BRAT1: variants seen among roughly 807,000 people sequenced by gnomAD.
BRAT1 encodes the protein integrator complex assembly factor BRAT1.
A neutral mutation model predicts 70.6 loss-of-function variants in BRAT1; 74 were observed. The ratio of observed to expected loss-of-function variants is 1.05; its 90% CI spans 0.87 to 1.27. BRAT1 has a LOEUF of 1.27. BRAT1 is among the 50% of genes most tolerant of loss of function. The probability of loss-of-function intolerance (pLI) is 0.00; values close to 1 mark genes in which losing one functional copy is unlikely to be tolerated. For synonymous variants in BRAT1, 615 were observed against 517.1 expected (o/e 1.19, Z -2.57); for missense variants, 1,203 against 1,098.2 (o/e 1.10, Z -1.35).
At position 2,547,397 on chromosome 7, in the gene BRAT1, G is replaced by A; in HGVS notation, c.209C>T (p.Ser70Phe). ...GCGCAGTGAGAAGGAGAGGACCCCA[G>A]AACTCAGGTCCTGGACTTTCAGCAC... Reference protein sequence around the residue: ...SHVLKVQDLSSGVLSFSLRLA... With the variant: ...SHVLKVQDLSFGVLSFSLRLA... The change falls in exon 3 of 14, where the codon TCT (serine) becomes TTT (phenylalanine). Residue 70 changes from serine to phenylalanine, a missense_variant. Physicochemically the swap from Ser to Phe is radical, Grantham distance 155. Transcript: ENST00000340611. The A allele has an allele frequency of 6.2e-7, 1 of 1,614,132 alleles. No individual in the cohort carries two copies. The highest frequency in any genetic ancestry group is 1.1e-5 in the South Asian group (1 of 91,080).
intron 3 of BRAT1, 117 bp downstream of exon 3, chr7:2,547,207 T>G: frequency 7.5e-7 from 1 of 1,335,364 alleles, no homozygotes; most frequent in Non-Finnish European, 1.0e-6. Flanking sequence ...GGACACAGGG[T>G]CGGGGCAGGC....
intron 13 of BRAT1, 126 bp downstream of exon 13, chr7:2,539,053 T>C (rs1778927200): frequency 6.8e-7 from 1 of 1,461,696 alleles, no homozygotes; most frequent in South Asian, 1.4e-5. Context: ...CAGTCACTGC[T>C]GCAGGCGCTG....
In BRAT1 at chr7:2,543,525, C is replaced by T; in HGVS notation, c.803+65G>A. On this transcript the variant is annotated intron_variant, in intron 5 of 13. Coordinates refer to ENST00000340611, the MANE Select transcript of BRAT1 (RefSeq NM_152743.4). This position sits in a 1 kb window ranked among gnomAD's most constrained non-coding sequence, Gnocchi z 5.5. The stretch of plus-strand genomic sequence containing the variant: ...GTCTCCGGCTGCCAGTGGGACATCC[C>T]TGGGCGTTATCCGAGGAAAACAGTT... The T allele has an allele frequency of 6.7e-7, 1 of 1,495,576 alleles. No individual in the cohort carries two copies. The allele number at this position is 1,495,576 out of a possible 1,614,324, so 92.6% of individuals were successfully genotyped here.
At chr7:2,549,523 TA>T in intron 2 of BRAT1, among the ~76,000 whole-genome samples, 1 of 148,918 alleles carries the variant, frequency 6.7e-6, no homozygotes, top group Middle Eastern at 3.4e-3. Flanking sequence ...AGGAAAGATT[TA>T]AAAGAAAAAA....
At chr7:2,554,591 C>T in intron 1 of BRAT1, 144 bp from the exon 2 acceptor site, 1 of 1,070,908 alleles carries the variant, frequency 9.3e-7, no homozygotes, top group Non-Finnish European at 1.3e-6. Flanking sequence ...GATCCCCAGA[C>T]CAGAGGTCTG....
chr7:2,542,417 T>C (rs907568117), intron 6 of BRAT1: 93 of 595,212 alleles, frequency 1.6e-4, no homozygotes, highest in Non-Finnish European at 1.6e-4. Flanking sequence ...GGCCTGACAC[T>C]CCTGATGTCC....
At chr7:2,542,783 G>T in intron 6 of BRAT1, 1 of 170,414 alleles carries the variant, frequency 5.9e-6, no homozygotes, top group Non-Finnish European at 1.3e-5. Context: ...GGCCATCCAC[G>T]GCCTTCCCAC....
intron 7 of BRAT1, 121 bp downstream of exon 7, chr7:2,541,999 G>A: frequency 8.3e-7 from 1 of 1,205,760 alleles, no homozygotes; most frequent in South Asian, 1.5e-5. Context: ...TGCTCTTGGA[G>A]GGAGGCCTGG....
intron 6 of BRAT1, 115 bp from the exon 7 acceptor site, chr7:2,542,326 G>T: frequency 2.3e-6 from 2 of 858,296 alleles, no homozygotes; most frequent in African/African-American, 1.7e-5. Context: ...GACACCCCCC[G>T]AGAAACATTC....
At position 2,554,449 on chromosome 7, in the gene BRAT1, T is replaced by TGC; in HGVS notation, c.-16-4_-16-3dup. 2 of 1,609,924 alleles carry TGC rather than the reference T, an allele frequency of 1.2e-6. No homozygotes were observed. Among genetic ancestry groups the TGC allele is most frequent in the Non-Finnish European group, 1.7e-6 (2 of 1,178,672 alleles). Reference sequence around the variant, plus strand: ...GGGTCCATGGTGAGGCCGCAGGCCCTGCAAAGGCAATGTGAGAGCCAAACC... The same window carrying TGC: ...GGGTCCATGGTGAGGCCGCAGGCCCTGCGCAAAGGCAATGTGAGAGCCAAACC... On this transcript the variant is annotated splice_region_variant and splice_polypyrimidine_tract_variant and intron_variant, in intron 1 of 13. Coordinates refer to ENST00000340611, the MANE Select transcript of BRAT1 (RefSeq NM_152743.4).
At chr7:2,545,825 G>C (rs932308220) in intron 3 of BRAT1, among the ~76,000 whole-genome samples, 1 of 152,186 alleles carries the variant, frequency 6.6e-6, no homozygotes, top group Non-Finnish European at 1.5e-5. Context: ...TGACAGACAA[G>C]GGCCCCCGGA....
intron 2 of BRAT1, among the ~76,000 whole-genome samples, chr7:2,551,346 G>A (rs968965285): frequency 6.6e-6 from 1 of 150,452 alleles, no homozygotes; most frequent in Non-Finnish European, 1.5e-5. Flanking sequence ...TGGGAGAATG[G>A]CATGGTATGC....
In BRAT1 at chr7:2,538,207, GA is replaced by G; in HGVS notation, c.2327del (p.Leu776ProfsTer4). On this transcript the variant is annotated frameshift_variant, in exon 14 of 14. Transcript: ENST00000340611. LOFTEE classifies it high-confidence loss of function. Reference sequence around the variant, plus strand: ...GCAGGCCCTCCAGGTCTAGGGACCTGAGCATGGCCAGCACAGCCTCAGGCTC... The same window carrying G: ...GCAGGCCCTCCAGGTCTAGGGACCTGGCATGGCCAGCACAGCCTCAGGCTC... ...DQEPEAVLAM[L>X]RSLDLEGLRS... is the part of the protein sequence containing the mutation. 6.2e-7 allele frequency: 1 copy of G among 1,609,978 alleles called. No homozygotes were observed. The highest frequency in any genetic ancestry group is 1.1e-5 in the South Asian group (1 of 91,024).
At chr7:2,549,429 A>C (rs1185637181) in intron 2 of BRAT1, among the ~76,000 whole-genome samples, 1 of 152,162 alleles carries the variant, frequency 6.6e-6, no homozygotes, top group African/African-American at 2.4e-5. Flanking sequence ...GTGAGCCGTG[A>C]TTACACCACT....
intron 6 of BRAT1, chr7:2,542,942 C>A: frequency 3.4e-6 from 1 of 292,562 alleles, no homozygotes; most frequent in Non-Finnish European, 6.3e-6. Context: ...GCAGGACCAC[C>A]CTGCTCTGAG....
In BRAT1 at chr7:2,542,225, C is replaced by T. The variant is rs113638677; in HGVS notation, c.924-14G>A. ...AGTGCCTGTGGACTGGAGACAAACG[C>T]GAGGTGAGTGCCGCGACCCTGGCTG... On this transcript the variant is annotated splice_polypyrimidine_tract_variant and intron_variant, in intron 6 of 13. Coordinates refer to ENST00000340611, the MANE Select transcript of BRAT1 (RefSeq NM_152743.4). The T allele has an allele frequency of 3.5e-3, 5,480 of 1,550,820 alleles. 188 individuals carry two copies. The African/African-American group carries it at 0.066, about 19-fold the overall frequency.
Position 2,537,826 on chromosome 7 carries a change from T to C in BRAT1, c.*243A>G. On this transcript the variant is annotated 3_prime_UTR_variant, in exon 14 of 14. Transcript: ENST00000340611. ...ACACTGGACCCTTGTCTCAGATCAT[T>C]ATTATTAAATTAACTCAAAAAGGGT... The C allele has an allele frequency of 1.9e-6, 1 of 540,468 alleles. No individual in the cohort carries two copies. The highest frequency in any genetic ancestry group is 3.9e-5 in the Admixed American group (1 of 25,598). 33.5% of individuals were successfully genotyped at this position (540,468 alleles called of 1,614,324 possible).
At chr7:2,553,849 T>G (rs1780217403) in intron 2 of BRAT1, among the ~76,000 whole-genome samples, 1 of 151,448 alleles carries the variant, frequency 6.6e-6, no homozygotes, top group South Asian at 2.1e-4. Flanking sequence ...TCTCGCTATG[T>G]TGGACCAGGC....
chr7:2,541,874 C>G (rs1231495202), intron 7 of BRAT1, 38 bp from the exon 8 acceptor site: 1 of 1,600,772 alleles, frequency 6.2e-7, no homozygotes, highest in South Asian at 1.1e-5. Context: ...TTAGAGAGCA[C>G]TTCAGCCTCC....
Sources: gnomAD v4.1 joint callset for allele counts (sites outside exome capture counted in the v4.1 genomes callset) on GRCh38, gnomAD v4.1.1 for gene constraint, Gnocchi (gnomAD v3.1) non-coding constraint, MANE v1.5 for transcripts, NCBI Gene and HGNC (gene_info 2026-07-23, HGNC 2026-07-21) for gene names.